Variants in GAS2 observed in about 807,000 individuals in gnomAD.
The protein encoded by GAS2 is growth arrest specific 2.
GAS2 carries 20 observed loss-of-function variants against 37.5 expected under a neutral mutation model. The ratio of observed to expected loss-of-function variants is 0.53; its 90% CI spans 0.37 to 0.77. The LOEUF is 0.77. GAS2 is among the 30% of genes least tolerant of loss of function. The probability of loss-of-function intolerance (pLI) is 0.00; values close to 1 mark genes in which losing one functional copy is unlikely to be tolerated. For missense variants in GAS2, 336 were observed against 373.4 expected, an observed-to-expected ratio of 0.90 and a Z score of 0.82; for synonymous variants, 144 against 132.2, an observed-to-expected ratio of 1.09 and a Z score of -0.61.
intron 1 of GAS2, among the ~76,000 whole-genome samples, chr11:22,637,758 A>C (rs1858856636): frequency 6.9e-6 from 1 of 144,838 alleles, no homozygotes; most frequent in Non-Finnish European, 1.5e-5. Context: ...AATGTAAATT[A>C]ATTTATATTT....
intron 1 of GAS2, among the ~76,000 whole-genome samples, chr11:22,653,018 T>C (rs1255679389): frequency 6.8e-6 from 1 of 146,894 alleles, no homozygotes; most frequent in African/African-American, 2.5e-5. Flanking sequence ...TTTCTTTCTT[T>C]CTTTCTTTCT....
intron 7 of GAS2, among the ~76,000 whole-genome samples, chr11:22,791,269 G>T (rs1856148095): frequency 6.6e-6 from 1 of 152,042 alleles, no homozygotes. Flanking sequence ...TCTAAATGGA[G>T]AAATAGACAA....
At chr11:22,640,150 C>G (rs560183827) in intron 1 of GAS2, among the ~76,000 whole-genome samples, 1 of 152,154 alleles carries the variant, frequency 6.6e-6, no homozygotes, top group African/African-American at 2.4e-5. Flanking sequence ...AGTTTCCTTG[C>G]GGGCACAGAT....
At chr11:22,700,902 C>G (rs780717175) in intron 3 of GAS2, among the ~76,000 whole-genome samples, 2 of 152,076 alleles carry the variant, frequency 1.3e-5, no homozygotes, top group African/African-American at 2.4e-5. Context: ...CTGTGTCTTT[C>G]GATTACTAGA....
At chr11:22,716,095 G>A (rs976331740) in intron 3 of GAS2, among the ~76,000 whole-genome samples, 5 of 152,020 alleles carry the variant, frequency 3.3e-5, no homozygotes, top group African/African-American at 1.2e-4. Context: ...AAAAACATAC[G>A]ATCATCTCAG....
At chr11:22,678,311 A>G (rs964176539) in intron 2 of GAS2, among the ~76,000 whole-genome samples, 9 of 150,222 alleles carry the variant, frequency 6.0e-5, no homozygotes, top group Admixed American at 1.3e-4. Flanking sequence ...TTACACTTAG[A>G]TACATTTAGT....
chr11:22,675,262 C>A (rs1849372001), intron 2 of GAS2, among the ~76,000 whole-genome samples: 1 of 152,162 alleles, frequency 6.6e-6, no homozygotes, highest in East Asian at 1.9e-4. Context: ...AGTCAGATTG[C>A]TTATTTTATC....
intron 1 of GAS2, among the ~76,000 whole-genome samples, chr11:22,658,151 A>C (rs925940645): frequency 6.6e-6 from 1 of 151,692 alleles, no homozygotes; most frequent in Non-Finnish European, 1.5e-5. Flanking sequence ...TCAGCCTCTC[A>C]AGTAGCTGGG....
At chr11:22,736,296 A>G (rs1852753007) in intron 4 of GAS2, among the ~76,000 whole-genome samples, 1 of 151,928 alleles carries the variant, frequency 6.6e-6, no homozygotes, top group Non-Finnish European at 1.5e-5. Context: ...AAATTCCCTA[A>G]CTAGGACTTT....
chr11:22,747,038 T>A (rs910487345), intron 5 of GAS2, among the ~76,000 whole-genome samples: 1 of 152,080 alleles, frequency 6.6e-6, no homozygotes, highest in South Asian at 2.1e-4. Flanking sequence ...CTAAAAAAAA[T>A]GTGTTCTAGT....
chr11:22,683,046 GGTGA>G (rs1176663264), intron 2 of GAS2, among the ~76,000 whole-genome samples: 48 of 151,990 alleles, frequency 3.2e-4, no homozygotes, highest in Non-Finnish European at 5.0e-4. Flanking sequence ...CTACCTGTGT[GGTGA>G]GTATTTAAAG....
chr11:22,643,473 AAC>A (rs1491068190), intron 1 of GAS2, among the ~76,000 whole-genome samples: 2 of 151,672 alleles, frequency 1.3e-5, no homozygotes, highest in African/African-American at 4.8e-5. Context: ...AAAAAAAAAA[AAC>A]GATATAGAAG....
At chr11:22,651,479 G>A (rs1215066591) in intron 1 of GAS2, among the ~76,000 whole-genome samples, 2 of 152,110 alleles carry the variant, frequency 1.3e-5, no homozygotes, top group African/African-American at 2.4e-5. Flanking sequence ...TTGCTAGATT[G>A]GGGAAATTCT....
intron 3 of GAS2, among the ~76,000 whole-genome samples, chr11:22,706,632 A>G (rs1373891210): frequency 1.3e-5 from 2 of 151,932 alleles, no homozygotes; most frequent in African/African-American, 2.4e-5. Context: ...ATGGTTTCCA[A>G]TTTCATCCAT....
rs186031508 is a variant in GAS2, at chr11:22,646,922, T to A, written c.-21+21109T>A. The stretch of plus-strand genomic sequence containing the variant: ...CTTTCCTTCTTTCTTTCTTTTTTTT[T>A]AAATTTATTATTATTATACTTTAAG... On this transcript the variant is annotated intron_variant, in intron 1 of 5. Coordinates refer to the GAS2 transcript ENST00000528582. Among the ~76,000 whole-genome samples, 71 of 151,922 alleles carry A rather than the reference T, an allele frequency of 4.7e-4. 1 individual carries two copies. The highest frequency in any genetic ancestry group is 3.4e-3 in the Middle Eastern group (1 of 292).
chr11:22,667,927 C>G (rs1849048067), intron 1 of GAS2, among the ~76,000 whole-genome samples: 1 of 152,222 alleles, frequency 6.6e-6, no homozygotes, highest in South Asian at 2.1e-4. Context: ...AAAATTATCT[C>G]CTCCAACCCT....
Position 22,682,068 on chromosome 11 carries a change from A to G in GAS2, c.146-3600A>G, listed in dbSNP as rs554893439. On this transcript the variant is annotated intron_variant, in intron 2 of 7. Transcript: ENST00000454584. Reference sequence around the variant, plus strand: ...ATTTGAGGTAGTACATTTCAACTATAAAGTATGTAATAGTCTGTTTTTGCC... The same window carrying G: ...ATTTGAGGTAGTACATTTCAACTATGAAGTATGTAATAGTCTGTTTTTGCC... Among the ~76,000 whole-genome samples the G allele has an allele frequency of 3.9e-5, 6 of 152,164 alleles. No homozygotes were observed. The East Asian group carries it at 9.6e-4, about 24-fold the overall frequency.
chr11:22,809,152 C>G (rs765759543), intron 7 of GAS2, among the ~76,000 whole-genome samples: 3 of 152,150 alleles, frequency 2.0e-5, no homozygotes, highest in African/African-American at 4.8e-5. Flanking sequence ...TGGGTTAGAT[C>G]CTCTTGCTTG....
intron 6 of GAS2, among the ~76,000 whole-genome samples, chr11:22,753,662 G>T (rs188909885): frequency 2.0e-3 from 304 of 152,088 alleles, no homozygotes; most frequent in African/African-American, 7.1e-3. Context: ...CTGGATGATC[G>T]ACCCCTTCTC....
Sources: allele counts gnomAD v4.1 joint callset (sites outside exome capture counted in the v4.1 genomes callset), GRCh38; gene constraint gnomAD v4.1.1; transcripts MANE v1.5; gene names NCBI Gene and HGNC (gene_info 2026-07-23, HGNC 2026-07-21).